Variants in CCAR2 observed in about 807,000 individuals in gnomAD.
CCAR2 encodes the protein cell cycle and apoptosis regulator 2, also known as cell cycle and apoptosis regulator protein 2.
In CCAR2, 21 loss-of-function variants were observed where a neutral mutation model predicts 108.1. The observed-to-expected ratio is 0.19, with a 90% CI of 0.14 to 0.28. The LOEUF is 0.28. Among genes scored for constraint, CCAR2 ranks in the 10% least tolerant of loss-of-function variants. The probability of loss-of-function intolerance (pLI) is 1.00; values close to 1 mark genes in which losing one functional copy is unlikely to be tolerated. For missense variants in CCAR2, 1,126 were observed against 1,177.0 expected, an observed-to-expected ratio of 0.96 and a Z score of 0.63; for synonymous variants, 577 against 472.8, an observed-to-expected ratio of 1.22 and a Z score of -2.86.
intron 7 of CCAR2, among the ~76,000 whole-genome samples, chr8:22,612,344 T>A (rs1261452768): frequency 6.6e-6 from 1 of 152,006 alleles, no homozygotes; most frequent in East Asian, 1.9e-4. Flanking sequence ...CTTGGCTCAC[T>A]GCAACTTCTA....
intron 7 of CCAR2, chr8:22,612,696 T>G (rs996365871): frequency 5.1e-6 from 1 of 196,154 alleles, no homozygotes; most frequent in Non-Finnish European, 1.0e-5. Flanking sequence ...AAATAGAAAA[T>G]TATTCGTAAG....
At chr8:22,618,238 G>T in intron 16 of CCAR2, 111 bp from the exon 17 acceptor site, 1 of 1,408,394 alleles carries the variant, frequency 7.1e-7, no homozygotes, top group Non-Finnish European at 9.9e-7. Context: ...CTTCAGGCAT[G>T]CATCACTGCA....
rs1188406135 is a variant in CCAR2, at chr8:22,607,118, G to T, written c.358-78G>T. On this transcript the variant is annotated intron_variant, in intron 5 of 20. Coordinates refer to ENST00000308511, the MANE Select transcript of CCAR2 (RefSeq NM_001393997.1). ...GGCAAAACCCTGACTTTTGTCAGGGGGGTGGGACTGCATCTTTCCAAGGTA... is the reference window on the plus strand; with the variant it reads ...GGCAAAACCCTGACTTTTGTCAGGGTGGTGGGACTGCATCTTTCCAAGGTA... 3.7e-6 allele frequency: 6 copies of T among 1,608,274 alleles called. No homozygotes were observed. The African/African-American group carries it at 8.0e-5, about 22-fold the overall frequency.
intron 14 of CCAR2, chr8:22,616,667 T>G (rs1025877504): frequency 5.4e-6 from 1 of 183,996 alleles, no homozygotes; most frequent in Non-Finnish European, 1.2e-5. Flanking sequence ...AATACAAAAA[T>G]TAGCCGGGTG....
chr8:22,613,252 C>T (rs1585159205), intron 8 of CCAR2, 116 bp downstream of exon 8: 2 of 1,144,326 alleles, frequency 1.7e-6, no homozygotes, highest in African/African-American at 1.6e-5. Context: ...TCTTACAAAA[C>T]GAAAAGCACA....
Position 22,606,598 on chromosome 8 carries a change from C to T in CCAR2, c.151-9C>T. The T allele has an allele frequency of 1.9e-6, 3 of 1,611,312 alleles. No homozygotes were observed. The highest frequency in any genetic ancestry group is 2.5e-6 in the Non-Finnish European group (3 of 1,177,488). ...CCTTTTACTTTTCAGCTGTCTCCTTCTCTTACAGGGTGGGGAGAAACAGCG... is the reference window on the plus strand; with the variant it reads ...CCTTTTACTTTTCAGCTGTCTCCTTTTCTTACAGGGTGGGGAGAAACAGCG... On this transcript the variant is annotated splice_polypyrimidine_tract_variant and intron_variant, in intron 3 of 20. Transcript: ENST00000308511.
chr8:22,617,383 C>G (rs2117461770), intron 14 of CCAR2, 37 bp from the exon 15 acceptor site: 2 of 1,516,832 alleles, frequency 1.3e-6, no homozygotes, highest in Non-Finnish European at 1.8e-6. Flanking sequence ...ATGGTAACTG[C>G]CTGCCTTTTC....
Position 22,614,825 on chromosome 8 carries a change from TC to T in CCAR2, c.1042-12del. ...GTAGTTTTTTGTTTTGTATCCCTGA[TC>T]TCTTCTTGCAGTTTTTGCTGGGCAG... On this transcript the variant is annotated splice_polypyrimidine_tract_variant and intron_variant, in intron 10 of 20. Coordinates refer to ENST00000308511, the MANE Select transcript of CCAR2 (RefSeq NM_001393997.1). 6.2e-7 allele frequency: 1 copy of T among 1,612,714 alleles called. No homozygotes were observed. Among genetic ancestry groups the T allele is most frequent in the East Asian group, 2.2e-5 (1 of 44,842 alleles).
chr8:22,612,341 C>T (rs771427320), intron 7 of CCAR2, among the ~76,000 whole-genome samples: 2 of 151,726 alleles, frequency 1.3e-5, no homozygotes, highest in Non-Finnish European at 2.9e-5. Flanking sequence ...AACCTTGGCT[C>T]ACTGCAACTT....
chr8:22,604,884 C>T (rs1025138044), intron 1 of CCAR2, 42 bp downstream of exon 1: 2 of 428,562 alleles, frequency 4.7e-6, no homozygotes, highest in South Asian at 1.6e-5. Context: ...CCCCTTCGCC[C>T]CTCCGCCCCT....
rs201610583 is a variant in CCAR2 at position 22,618,881 on chromosome 8, C to G, written c.2387C>G (p.Pro796Arg). Residue 796 changes from proline to arginine, a missense_variant, in exon 19 of 21, where the codon CCC (proline) becomes CGC (arginine). By Grantham distance (103) the Pro-to-Arg change is moderately radical (BLOSUM62 -2). This residue lies in a region of CCAR2 where 1,013 missense variants were observed against 993.9 expected (regional missense o/e 1.02). Coordinates refer to ENST00000308511, the MANE Select transcript of CCAR2 (RefSeq NM_001393997.1). ...AAAAGCACGAAGCCAGGTGCTGCCC[C>G]CACAGAACACAAAGCCTTGGTGTCC... ...PGKSTKPGAA[P>R]TEHKALVSHN... 1 of 1,614,006 alleles carries G rather than the reference C, an allele frequency of 6.2e-7. No homozygotes were observed.
chr8:22,614,156 C>A lies in CCAR2; in HGVS notation c.769C>A (p.Leu257Met), dbSNP rs772238002. Residue 257 changes from leucine to methionine, a missense_variant, in exon 9 of 21, where the codon CTG (leucine) becomes ATG (methionine). By Grantham distance (15) the Leu-to-Met change is conservative. Around this residue, in one of 4 missense-constraint regions of CCAR2, gnomAD observed 1,013 missense variants for 993.9 expected, o/e 1.02. Coordinates refer to ENST00000308511, the MANE Select transcript of CCAR2 (RefSeq NM_001393997.1). The stretch of plus-strand genomic sequence containing the variant: ...CAGCCTCCTGGTCCCCTCAGATTTT[C>A]TGTCCGTGCATCTGAGTTGGCTATC... ...YRSLLVPSDFLSVHLSWLSAF... is the reference protein window; with the variant it reads ...YRSLLVPSDFMSVHLSWLSAF... 6.2e-7 allele frequency: 1 copy of A among 1,614,138 alleles called. No homozygotes were observed. Among genetic ancestry groups the A allele is most frequent in the South Asian group, 1.1e-5 (1 of 91,086 alleles).
At chr8:22,611,639 A>C (rs1224532955) in intron 7 of CCAR2, among the ~76,000 whole-genome samples, 1 of 152,130 alleles carries the variant, frequency 6.6e-6, no homozygotes, top group African/African-American at 2.4e-5. Context: ...TTGCAATTTT[A>C]ATCTTACAGT....
Position 22,607,973 on chromosome 8 carries a change from G to C in CCAR2, c.492G>C (p.Leu164=), listed in dbSNP as rs1801142197. ...RIPPLFPQKP[L]SLFQTSHTLH... ...CCAGTCATTTCCTTTCTGCAGCTCT[G>C]AGTCTCTTCCAAACATCCCACACAC... The change falls in exon 7 of 21, where the codon CTG becomes CTC. Residue 164 remains leucine, a synonymous_variant. Coordinates refer to ENST00000308511, the MANE Select transcript of CCAR2 (RefSeq NM_001393997.1). The C allele has an allele frequency of 6.2e-7, 1 of 1,613,698 alleles. No individual in the cohort carries two copies. Among genetic ancestry groups the C allele is most frequent in the South Asian group, 1.1e-5 (1 of 91,068 alleles).
chr8:22,615,010 G>T lies in CCAR2; in HGVS notation c.1205+9G>T. The T allele has an allele frequency of 6.4e-7, 1 of 1,551,460 alleles. No individual in the cohort carries two copies. Among genetic ancestry groups the T allele is most frequent in the Non-Finnish European group, 8.7e-7 (1 of 1,146,576 alleles). On this transcript the variant is annotated intron_variant, in intron 11 of 20. Transcript: ENST00000308511. ...AGCGGCTGTACCAAGTGGTGAGTGGGCTTCCTGAGCCTCAGCTGCACCAAC... is the reference window on the plus strand; with the variant it reads ...AGCGGCTGTACCAAGTGGTGAGTGGTCTTCCTGAGCCTCAGCTGCACCAAC...
intron 11 of CCAR2, 79 bp from the exon 12 acceptor site, chr8:22,615,346 C>T: frequency 6.6e-7 from 1 of 1,520,680 alleles, no homozygotes; most frequent in Non-Finnish European, 8.9e-7. Context: ...TGACTGGAAA[C>T]TGAAGCCCTT....
rs199833878 is a variant in CCAR2, at chr8:22,605,265, C to T, written c.-39+423C>T. ...ACAGTCTCCTCGCCGGCACCGGCCT[C>T]CTCCATTTTTCCGGGCCTTGCGTGG... On this transcript the variant is annotated intron_variant, in intron 1 of 20. Transcript: ENST00000308511. 2.9e-3 allele frequency: 474 copies of T among 163,124 alleles called. 5 individuals are homozygous for T. The highest frequency in any genetic ancestry group is 6.7e-4 in the Non-Finnish European group (50 of 74,420). 10.1% of individuals were successfully genotyped at this position (163,124 alleles called of 1,614,324 possible). A position where few individuals can be genotyped will look rare whatever the true frequency, so the allele number is the denominator to read the frequency against.
At chr8:22,611,816 G>T (rs1801294096) in intron 7 of CCAR2, among the ~76,000 whole-genome samples, 2 of 152,068 alleles carry the variant, frequency 1.3e-5, no homozygotes, top group Admixed American at 6.5e-5. Flanking sequence ...TTTCCACTAT[G>T]TGTAGTCTTT....
At chr8:22,609,396 C>T (rs1801197650) in intron 7 of CCAR2, among the ~76,000 whole-genome samples, 1 of 152,174 alleles carries the variant, frequency 6.6e-6, no homozygotes, top group Admixed American at 6.5e-5. Flanking sequence ...AAGTCATCTT[C>T]CCACCTCAGC....
Sources: allele counts gnomAD v4.1 joint callset (sites outside exome capture counted in the v4.1 genomes callset), GRCh38; gene constraint gnomAD v4.1.1; regional missense constraint gnomAD v4.1.1; transcripts MANE v1.5; gene names NCBI Gene and HGNC (gene_info 2026-07-23, HGNC 2026-07-21).